Variants in PRSS16 observed in about 807,000 individuals in gnomAD.
PRSS16 encodes the protein thymus-specific serine protease.
A neutral mutation model predicts 61.7 loss-of-function variants in PRSS16; 43 were observed. The ratio of observed to expected loss-of-function variants is 0.70; its 90% CI spans 0.55 to 0.90. The LOEUF (loss-of-function observed/expected upper bound fraction) is 0.90. Ranked by LOEUF, PRSS16 falls within the 40% of genes least tolerant of loss-of-function variation. PRSS16 has a pLI of 0.00. For missense variants in PRSS16, 591 were observed against 659.1 expected (o/e 0.90, Z 1.13); for synonymous variants, 273 against 285.2 (o/e 0.96, Z 0.43).
At chr6:27,248,200 C>T in intron 2 of PRSS16, 152 bp downstream of exon 2, 1 of 1,020,046 alleles carries the variant, frequency 9.8e-7, no homozygotes, top group Non-Finnish European at 1.4e-6. Flanking sequence ...GTCAGTATCC[C>T]TTTTCCTGCC....
chr6:27,248,178 G>A (rs1044344871), intron 2 of PRSS16, 130 bp downstream of exon 2: 8 of 1,141,540 alleles, frequency 7.0e-6, no homozygotes, highest in African/African-American at 1.6e-5. Context: ...TGAATCTCAT[G>A]TTATGCTTGC....
At chr6:27,253,453 T>C (rs1303940405) in intron 9 of PRSS16, 1 of 445,956 alleles carries the variant, frequency 2.2e-6, no homozygotes, top group Non-Finnish European at 4.5e-6. Flanking sequence ...ACTTCCTCTG[T>C]ACAATCCAAC....
chr6:27,251,062 G>A lies in PRSS16; in HGVS notation c.612G>A (p.Ala204=). ...CTTAGTTCCCCCATCTCATTTTCGC[G>A]TCGGTCGCCTCCTCCGCCCCGGTGC... The part of the protein sequence containing the change: ...ARLKFPHLIF[A]SVASSAPVRA... The change falls in exon 6 of 12, where the codon GCG becomes GCA. Residue 204 remains alanine, a synonymous_variant. Coordinates refer to ENST00000230582, the MANE Select transcript of PRSS16 (RefSeq NM_005865.4). The surrounding 1 kb of genome is among the most constrained non-coding windows in gnomAD (Gnocchi z 5.6). 1.2e-6 allele frequency: 2 copies of A among 1,613,992 alleles called. No homozygotes were observed. The highest frequency in any genetic ancestry group is 8.5e-7 in the Non-Finnish European group (1 of 1,180,042).
In PRSS16 at chr6:27,252,055, G is replaced by C. The variant is rs1375221344; in HGVS notation, c.1008+15G>C. On this transcript the variant is annotated intron_variant, in intron 8 of 11. Transcript: ENST00000230582. This position sits in a 1 kb window ranked among gnomAD's most constrained non-coding sequence, Gnocchi z 4.2. ...GGGCGGTGCAGGTGAGCACTCCCTG[G>C]CACAGCTGGGAGGAGTTAGCGGACA... 2 of 1,487,006 alleles carry C rather than the reference G, an allele frequency of 1.3e-6. No homozygotes were observed. Among genetic ancestry groups the C allele is most frequent in the Non-Finnish European group, 1.8e-6 (2 of 1,123,012 alleles). 92.1% of individuals were successfully genotyped at this position (1,487,006 alleles called of 1,614,324 possible). A position where few individuals can be genotyped will look rare whatever the true frequency, so the allele number is the denominator to read the frequency against.
rs775984716 is a variant in PRSS16, at chr6:27,248,056, C to T, written c.237+8C>T. 4.3e-6 allele frequency: 7 copies of T among 1,611,330 alleles called. No homozygotes were observed. Among genetic ancestry groups the T allele is most frequent in the African/African-American group, 1.3e-5 (1 of 74,874 alleles). ...AGACGATCCTTCCTACAGGTGAGGC[C>T]GGGAGACGGGGAGTCCACTAACCAT... On this transcript the variant is annotated splice_region_variant and intron_variant, in intron 2 of 11. Transcript: ENST00000230582.
At position 27,255,087 on chromosome 6, in the gene PRSS16, C is replaced by A. The variant is rs1760002620; in HGVS notation, c.1432C>A (p.Pro478Thr). 7 of 1,614,148 alleles carry A rather than the reference C, an allele frequency of 4.3e-6. No individual in the cohort carries two copies. Among genetic ancestry groups the A allele is most frequent in the Non-Finnish European group, 5.9e-6 (7 of 1,180,016 alleles). ...RTGSHCLDMA[P>T]ERPSDSPSLR... The stretch of plus-strand genomic sequence containing the variant: ...TGGCTCCCACTGCTTGGACATGGCA[C>A]CTGAGAGGCCCTCAGACTCCCCCAG... The change falls in exon 11 of 12, where the codon CCT becomes ACT. Residue 478 changes from proline to threonine, a missense_variant. Physicochemically the swap from Pro to Thr is conservative, Grantham distance 38. Transcript: ENST00000230582. The surrounding 1 kb of genome is among the most constrained non-coding windows in gnomAD (Gnocchi z 4.4).
chr6:27,248,115 T>A (rs1393853558), intron 2 of PRSS16, 67 bp downstream of exon 2: 2 of 1,520,112 alleles, frequency 1.3e-6, no homozygotes, highest in Non-Finnish European at 1.8e-6. Context: ...CATCTCTTCC[T>A]CAGTCTGCAC....
At position 27,249,095 on chromosome 6, in the gene PRSS16, C is replaced by T. The variant is rs1581473339; in HGVS notation, c.338-5C>T. 1.1e-6 allele frequency: 1 copy of T among 942,192 alleles called. No homozygotes were observed. The allele number at this position is 942,192 out of a possible 1,614,324, so 58.4% of individuals were successfully genotyped here. A position where few individuals can be genotyped will look rare whatever the true frequency, so the allele number is the denominator to read the frequency against. On this transcript the variant is annotated splice_polypyrimidine_tract_variant and splice_region_variant and intron_variant, in intron 3 of 11. Transcript: ENST00000230582. ...CCCCACCCCCCACCCATACACTCTTCACAGGCCATCCCGCAGCCTTGGCCC... is the reference window on the plus strand; with the variant it reads ...CCCCACCCCCCACCCATACACTCTTTACAGGCCATCCCGCAGCCTTGGCCC...
At position 27,253,489 on chromosome 6, in the gene PRSS16, TTG is replaced by T. The variant is rs1360925635; in HGVS notation, c.1150+542_1150+543del. The T allele has an allele frequency of 8.8e-6, 4 of 454,534 alleles. No individual in the cohort carries two copies. The East Asian group carries it at 2.8e-4, about 32-fold the overall frequency. 28.2% of individuals were successfully genotyped at this position (454,534 alleles called of 1,614,324 possible). A position where few individuals can be genotyped will look rare whatever the true frequency, so the allele number is the denominator to read the frequency against. ...TTTTTCATAGCATCCACAGAGATCC[TTG>T]TAAATATAACCTTGTCCCTCCTGTA... On this transcript the variant is annotated intron_variant, in intron 9 of 11. Coordinates refer to ENST00000230582, the MANE Select transcript of PRSS16 (RefSeq NM_005865.4).
chr6:27,248,034 C>T lies in PRSS16; in HGVS notation c.223C>T (p.Arg75Ter), dbSNP rs551129446. 49 of 1,613,628 alleles carry T rather than the reference C, an allele frequency of 3.0e-5. No homozygotes were observed. Among genetic ancestry groups the T allele is most frequent in the South Asian group, 1.4e-4 (13 of 90,998 alleles). The change falls in exon 2 of 12, where the codon CGA becomes TGA. Residue 75 changes from arginine (R) to a stop codon, truncating the protein, a stop_gained. Coordinates refer to ENST00000230582, the MANE Select transcript of PRSS16 (RefSeq NM_005865.4). LOFTEE classifies it high-confidence loss of function. ...LLDPFNVSDRRSFLQRYWVND... is the reference protein window; with the variant it reads ...LLDPFNVSDR ...GGACCCCTTCAACGTGTCCGACAGA[C>T]GATCCTTCCTACAGGTGAGGCCGGG...
Position 27,251,035 on chromosome 6 carries a change from C to G in PRSS16, c.592-7C>G. On this transcript the variant is annotated splice_region_variant and splice_polypyrimidine_tract_variant and intron_variant, in intron 5 of 11. Transcript: ENST00000230582. This position sits in a 1 kb window ranked among gnomAD's most constrained non-coding sequence, Gnocchi z 5.6. ...AGCCCGCAGGCTGACGGCGTCTCCT[C>G]CCTTAGTTCCCCCATCTCATTTTCG... 1 of 1,613,766 alleles carries G rather than the reference C, an allele frequency of 6.2e-7. No individual in the cohort carries two copies. The highest frequency in any genetic ancestry group is 1.1e-5 in the South Asian group (1 of 91,086).
At chr6:27,250,658 G>T in intron 4 of PRSS16, 25 bp from the exon 5 acceptor site, 1 of 1,575,154 alleles carries the variant, frequency 6.3e-7, no homozygotes, top group Non-Finnish European at 8.6e-7. Context: ...GATGAGGACC[G>T]ACCGAGTCCC....
intron 4 of PRSS16, among the ~76,000 whole-genome samples, chr6:27,250,421 C>G (rs560241828): frequency 6.6e-6 from 1 of 152,188 alleles, no homozygotes; most frequent in Admixed American, 6.5e-5. Flanking sequence ...AATTTTTCCT[C>G]TCCTACCTAA....
At position 27,255,171 on chromosome 6, in the gene PRSS16, T is replaced by G. The variant is rs775895076; in HGVS notation, c.1476+40T>G. ...GCTCTGAATCATTTGCATTCTCATT[T>G]GAATAATCACTTGCATGTTCCCTCC... On this transcript the variant is annotated intron_variant, in intron 11 of 11. Transcript: ENST00000230582. The surrounding 1 kb of genome is among the most constrained non-coding windows in gnomAD (Gnocchi z 4.4). 6.2e-7 allele frequency: 1 copy of G among 1,614,094 alleles called. No individual in the cohort carries two copies. The highest frequency in any genetic ancestry group is 8.5e-7 in the Non-Finnish European group (1 of 1,179,974).
rs370172983 is a variant in PRSS16 at position 27,251,947 on chromosome 6, G to A, written c.915G>A (p.Pro305=). 5 of 1,609,920 alleles carry A rather than the reference G, an allele frequency of 3.1e-6. No individual in the cohort carries two copies. In the African/African-American group the frequency reaches 6.7e-5, roughly 22 times the overall value. ...AGTATGATGGGCAGACGGGAGCGCC[G>A]CTAAGCGTGCGACAGCTCTGCGGAC... ...VVQYDGQTGA[P]LSVRQLCGLL... is the part of the protein sequence containing the mutation. Residue 305 remains proline, a synonymous_variant, in exon 8 of 12, where the codon CCG becomes CCA. Coordinates refer to ENST00000230582, the MANE Select transcript of PRSS16 (RefSeq NM_005865.4). This position sits in a 1 kb window ranked among gnomAD's most constrained non-coding sequence, Gnocchi z 5.6.
At chr6:27,248,405 G>A (rs887751437) in intron 2 of PRSS16, among the ~76,000 whole-genome samples, 7 of 151,744 alleles carry the variant, frequency 4.6e-5, no homozygotes, top group African/African-American at 1.7e-4. Flanking sequence ...ACCAGCTTTG[G>A]AATCAGACCT....
chr6:27,252,241 C>G lies in PRSS16; in HGVS notation c.1008+201C>G. The stretch of plus-strand genomic sequence containing the variant: ...AGCAATCAGCTGGGAGCCTGGCACA[C>G]AGTGTGCGAATGTTAGAGACTGCGA... On this transcript the variant is annotated intron_variant, in intron 8 of 11. Transcript: ENST00000230582. This position sits in a 1 kb window ranked among gnomAD's most constrained non-coding sequence, Gnocchi z 4.2. 1 of 647,480 alleles carries G rather than the reference C, an allele frequency of 1.5e-6. No individual in the cohort carries two copies. Among genetic ancestry groups the G allele is most frequent in the Non-Finnish European group, 2.5e-6 (1 of 403,354 alleles). The allele number at this position is 647,480 out of a possible 1,614,324, so 40.1% of individuals were successfully genotyped here.
In PRSS16 at chr6:27,251,430, G is replaced by T; in HGVS notation, c.717+166G>T. 2 of 929,136 alleles carry T rather than the reference G, an allele frequency of 2.2e-6. No homozygotes were observed. Among genetic ancestry groups the T allele is most frequent in the South Asian group, 3.6e-5 (2 of 54,908 alleles). The allele number at this position is 929,136 out of a possible 1,614,324, so 57.6% of individuals were successfully genotyped here. A position where few individuals can be genotyped will look rare whatever the true frequency, so the allele number is the denominator to read the frequency against. ...TTGGAAGAAGGCGGGAGCTGACGAA[G>T]AGGAGGGGCACCAGGAAAAGAGGCG... On this transcript the variant is annotated intron_variant, in intron 7 of 11. Coordinates refer to ENST00000230582, the MANE Select transcript of PRSS16 (RefSeq NM_005865.4). This position sits in a 1 kb window ranked among gnomAD's most constrained non-coding sequence, Gnocchi z 5.6.
intron 2 of PRSS16, 107 bp downstream of exon 2, chr6:27,248,155 C>G (rs1190986515): frequency 1.6e-6 from 2 of 1,274,920 alleles, no homozygotes; most frequent in Non-Finnish European, 1.1e-6. Context: ...TCAGTTCTCC[C>G]CATCCCTCTG....
Sources: allele counts gnomAD v4.1 joint callset (sites outside exome capture counted in the v4.1 genomes callset), GRCh38; gene constraint gnomAD v4.1.1; non-coding constraint Gnocchi (gnomAD v3.1); transcripts MANE v1.5; gene names NCBI Gene and HGNC (gene_info 2026-07-23, HGNC 2026-07-21).